DPP10: variants seen among roughly 807,000 people sequenced by gnomAD.
DPP10 encodes dipeptidyl peptidase like 10.
DPP10 carries 33 observed loss-of-function variants against 120.9 expected under a neutral mutation model. The ratio of observed to expected loss-of-function variants is 0.27; its 90% confidence interval spans 0.21 to 0.37. The LOEUF (loss-of-function observed/expected upper bound fraction) is 0.37, where lower values mean the gene tolerates loss of function less well. DPP10 is among the 10% of genes least tolerant of loss of function. The pLI, the probability that DPP10 is intolerant of heterozygous loss-of-function variation, is 1.00. For synonymous variants in DPP10, 337 were observed against 326.1 expected, an observed-to-expected ratio of 1.03 and a Z score of -0.36; for missense variants, 816 against 942.8, an observed-to-expected ratio of 0.87 and a Z score of 1.76.
intron 12 of DPP10, among the ~76,000 whole-genome samples, chr2:115,765,014 C>T (rs1680547854): frequency 1.3e-5 from 2 of 152,166 alleles, no homozygotes; most frequent in South Asian, 4.1e-4. Context: ...AGTCCAATAT[C>T]CCCAGCTTAC....
intron 11 of DPP10, among the ~76,000 whole-genome samples, chr2:115,754,790 TAGC>T (rs931870211): frequency 5.3e-5 from 8 of 152,142 alleles, no homozygotes; most frequent in African/African-American, 1.7e-4. Flanking sequence ...ATATTGGAAT[TAGC>T]AGACACATGT....
At chr2:115,536,189 G>A (rs1339155501) in intron 5 of DPP10, among the ~76,000 whole-genome samples, 4 of 151,784 alleles carry the variant, frequency 2.6e-5, no homozygotes, top group African/African-American at 7.3e-5. Flanking sequence ...TTAATGTACT[G>A]GTTTATCTCA....
rs1688044713 is a variant in DPP10 at position 114,840,112 on chromosome 2, C to A, written c.60+397274C>A. On this transcript the variant is annotated intron_variant, in intron 1 of 25. Transcript: ENST00000410059. Reference sequence around the variant, plus strand: ...TGTGAAACAGCAAACAGTTGTTTTCCTAAGTAAATCAGTATGCAGTATCAA... The same window carrying A: ...TGTGAAACAGCAAACAGTTGTTTTCATAAGTAAATCAGTATGCAGTATCAA... Among the ~76,000 whole-genome samples the A allele has an allele frequency of 1.3e-5, 2 of 152,082 alleles. 1 individual carries two copies. Among genetic ancestry groups the A allele is most frequent in the Admixed American group, 1.3e-4 (2 of 15,252 alleles).
chr2:115,291,186 A>G (rs1376983612), intron 1 of DPP10, among the ~76,000 whole-genome samples: 1 of 151,848 alleles, frequency 6.6e-6, no homozygotes, highest in African/African-American at 2.4e-5. Context: ...TATTTTTTGT[A>G]GAGACAGAGA....
intron 1 of DPP10, among the ~76,000 whole-genome samples, chr2:114,454,379 T>C (rs1678448752): frequency 6.6e-6 from 1 of 152,210 alleles, no homozygotes; most frequent in Admixed American, 6.5e-5. Flanking sequence ...GTTCTTATTT[T>C]ATAGATGAAA....
intron 3 of DPP10, among the ~76,000 whole-genome samples, chr2:115,365,231 T>G (rs186174706): frequency 1.9e-3 from 291 of 152,204 alleles, no homozygotes; most frequent in Non-Finnish European, 3.0e-3. Context: ...GGAGGTACTC[T>G]GCATGACAGC....
At chr2:115,233,870 C>T (rs150188395) in intron 1 of DPP10, 69 of 496,490 alleles carry the variant, frequency 1.4e-4, no homozygotes, top group African/African-American at 1.1e-3. Context: ...ACACACATAC[C>T]CCATTTCTGC....
At chr2:115,380,845 G>A (rs1192460663) in intron 3 of DPP10, among the ~76,000 whole-genome samples, 8 of 152,130 alleles carry the variant, frequency 5.3e-5, no homozygotes, top group Admixed American at 3.3e-4. Flanking sequence ...ATTCTGGGTT[G>A]AAAATTCTTT....
intron 1 of DPP10, among the ~76,000 whole-genome samples, chr2:115,169,252 G>T (rs2053130018): frequency 6.6e-6 from 1 of 152,146 alleles, no homozygotes; most frequent in African/African-American, 2.4e-5. Flanking sequence ...GAGAATCTAT[G>T]TGAATGAGTT....
chr2:114,942,197 C>T (rs1270863148), intron 1 of DPP10, among the ~76,000 whole-genome samples: 3 of 149,428 alleles, frequency 2.0e-5, no homozygotes, highest in Non-Finnish European at 3.0e-5. Context: ...GGCGTGAACC[C>T]GGCAGGTGGA....
intron 1 of DPP10, among the ~76,000 whole-genome samples, chr2:114,746,159 C>CTTTCCTAG (rs1226754421): frequency 9.9e-5 from 15 of 152,180 alleles, no homozygotes; most frequent in African/African-American, 3.4e-4. Context: ...AGCTGACCCT[C>CTTTCCTAG]TTTCCTAGTC....
chr2:114,709,593 G>A (rs1283284691), intron 1 of DPP10, among the ~76,000 whole-genome samples: 1 of 151,994 alleles, frequency 6.6e-6, no homozygotes, highest in Admixed American at 6.6e-5. Context: ...TTATTTTTTA[G>A]CTAAGATATG....
intron 1 of DPP10, among the ~76,000 whole-genome samples, chr2:114,842,946 A>C: frequency 6.6e-6 from 1 of 152,234 alleles, no homozygotes; most frequent in East Asian, 1.9e-4. Flanking sequence ...TTTGGGAATG[A>C]GGCACTGCCC....
At chr2:115,776,564 T>C (rs1436908152) in intron 13 of DPP10, among the ~76,000 whole-genome samples, 1 of 152,150 alleles carries the variant, frequency 6.6e-6, no homozygotes, top group East Asian at 1.9e-4. Context: ...TTCTAATCAG[T>C]GTTCTCTAAC....
At chr2:115,533,511 G>A (rs1486590672) in intron 5 of DPP10, among the ~76,000 whole-genome samples, 4 of 152,008 alleles carry the variant, frequency 2.6e-5, no homozygotes, top group Non-Finnish European at 5.9e-5. Flanking sequence ...CCTGTAAAAT[G>A]CATCCTGCAT....
At chr2:115,421,513 G>A (rs2069952550) in intron 3 of DPP10, among the ~76,000 whole-genome samples, 1 of 152,004 alleles carries the variant, frequency 6.6e-6, no homozygotes, top group Non-Finnish European at 1.5e-5. Flanking sequence ...TAGGAAAATA[G>A]TATAAAAACA....
At chr2:115,655,030 A>G (rs2088167471) in intron 5 of DPP10, among the ~76,000 whole-genome samples, 2 of 151,720 alleles carry the variant, frequency 1.3e-5, no homozygotes, top group South Asian at 4.1e-4. Context: ...GCTTTTAAAA[A>G]TTATTCCTCT....
chr2:115,139,093 T>G (rs2050789020), intron 1 of DPP10, among the ~76,000 whole-genome samples: 1 of 152,202 alleles, frequency 6.6e-6, no homozygotes, highest in Non-Finnish European at 1.5e-5. Context: ...GCTAGAAAAC[T>G]CTATTTTCCA....
chr2:115,368,360 G>T (rs568818111), intron 3 of DPP10, among the ~76,000 whole-genome samples: 1 of 152,158 alleles, frequency 6.6e-6, no homozygotes, highest in African/African-American at 2.4e-5. Context: ...ACCATGACAT[G>T]GGAGGTTATT....
Sources: allele counts gnomAD v4.1 joint callset (sites outside exome capture counted in the v4.1 genomes callset), GRCh38; gene constraint gnomAD v4.1.1; transcripts MANE v1.5; gene names NCBI Gene and HGNC (gene_info 2026-07-23, HGNC 2026-07-21).